Variants in NWD2 observed in about 807,000 individuals in gnomAD.
NWD2 encodes NACHT and WD repeat domain-containing protein 2.
In NWD2, 37 loss-of-function variants were observed where a neutral mutation model predicts 132.7. That is an observed-to-expected ratio of 0.28 (90% CI 0.21 to 0.37). The LOEUF (loss-of-function observed/expected upper bound fraction) is 0.37. Among genes scored for constraint, NWD2 ranks in the 10% least tolerant of loss-of-function variants. NWD2 has a pLI of 1.00. For missense variants in NWD2, 1,592 were observed against 2,122.4 expected, an observed-to-expected ratio of 0.75 and a Z score of 4.91; for synonymous variants, 705 against 803.0, an observed-to-expected ratio of 0.88 and a Z score of 2.06.
At chr4:37,386,792 G>A (rs931236727) in intron 3 of NWD2, among the ~76,000 whole-genome samples, 7 of 149,410 alleles carry the variant, frequency 4.7e-5, no homozygotes, top group African/African-American at 1.8e-4. Flanking sequence ...TGAATGAGTT[G>A]GTACCATTCC....
intron 1 of NWD2, among the ~76,000 whole-genome samples, chr4:37,253,664 TG>T (rs35915028): frequency 0.25 from 37,910 of 152,156 alleles, 5,818 homozygotes; most frequent in South Asian, 0.37. Context: ...TCTGTACACA[TG>T]TTTCAGATAT....
intron 2 of NWD2, among the ~76,000 whole-genome samples, chr4:37,337,659 T>C (rs1353025042): frequency 6.6e-6 from 1 of 152,350 alleles, no homozygotes; most frequent in East Asian, 1.9e-4. Context: ...GGCCCATGCC[T>C]GTCCACCTGG....
intron 2 of NWD2, among the ~76,000 whole-genome samples, chr4:37,334,357 C>T (rs114977033): frequency 0.026 from 3,949 of 152,326 alleles, 83 homozygotes; most frequent in Non-Finnish European, 0.04. Flanking sequence ...CTCTTCCCCA[C>T]GTAAATAATC....
At chr4:37,334,620 C>T (rs1000199127) in intron 2 of NWD2, among the ~76,000 whole-genome samples, 18 of 152,150 alleles carry the variant, frequency 1.2e-4, no homozygotes, top group African/African-American at 1.9e-4. Context: ...CCACATGGGC[C>T]GCTGGTACAC....
chr4:37,252,163 C>T (rs1293840168), intron 1 of NWD2, among the ~76,000 whole-genome samples: 1 of 152,148 alleles, frequency 6.6e-6, no homozygotes, highest in Non-Finnish European at 1.5e-5. Context: ...ATGATGAGAT[C>T]TCCACAGGGA....
intron 1 of NWD2, among the ~76,000 whole-genome samples, chr4:37,263,490 G>T (rs2109260186): frequency 6.6e-6 from 1 of 152,268 alleles, no homozygotes; most frequent in African/African-American, 2.4e-5. Flanking sequence ...TTGTAGCAGG[G>T]TGACTTCTTC....
chr4:37,350,901 T>C (rs1266682462), intron 2 of NWD2, among the ~76,000 whole-genome samples: 1 of 152,194 alleles, frequency 6.6e-6, no homozygotes, highest in Non-Finnish European at 1.5e-5. Flanking sequence ...AAAGGGGTGT[T>C]GAATTTTATT....
At chr4:37,353,941 T>A (rs1719821627) in intron 2 of NWD2, among the ~76,000 whole-genome samples, 1 of 152,164 alleles carries the variant, frequency 6.6e-6, no homozygotes, top group Admixed American at 6.5e-5. Flanking sequence ...TTTTTGGAAT[T>A]TTCAGCCTTT....
chr4:37,266,095 C>A (rs911804064), intron 1 of NWD2, among the ~76,000 whole-genome samples: 2 of 152,030 alleles, frequency 1.3e-5, no homozygotes. Context: ...TTGGTGAGTT[C>A]TTTTGTAACC....
intron 3 of NWD2, among the ~76,000 whole-genome samples, chr4:37,414,653 A>G (rs1711533008): frequency 6.6e-6 from 1 of 152,166 alleles, no homozygotes; most frequent in African/African-American, 2.4e-5. Context: ...CTAGTAAAGG[A>G]AGACTGCTGG....
At chr4:37,369,347 G>A (rs1339280853) in intron 3 of NWD2, among the ~76,000 whole-genome samples, 1 of 151,994 alleles carries the variant, frequency 6.6e-6, no homozygotes, top group Non-Finnish European at 1.5e-5. Flanking sequence ...TGAAGTCTGG[G>A]ATTTTAATGT....
At chr4:37,310,785 C>A (rs1325938141) in intron 1 of NWD2, among the ~76,000 whole-genome samples, 1 of 93,128 alleles carries the variant, frequency 1.1e-5, no homozygotes, top group Non-Finnish European at 2.0e-5. Flanking sequence ...CCTCCCCCCT[C>A]CCCCCACCCC....
intron 1 of NWD2, among the ~76,000 whole-genome samples, chr4:37,316,068 T>A (rs896372192): frequency 6.6e-6 from 1 of 151,490 alleles, no homozygotes; most frequent in Admixed American, 6.5e-5. Context: ...ACTTATATAG[T>A]CTTTTATACA....
chr4:37,405,930 A>G (rs2109317234), intron 3 of NWD2, among the ~76,000 whole-genome samples: 1 of 152,348 alleles, frequency 6.6e-6, no homozygotes. Context: ...GGTAGACAGC[A>G]ATTGATTTAG....
intron 1 of NWD2, among the ~76,000 whole-genome samples, chr4:37,261,293 A>G (rs73807464): frequency 0.096 from 14,661 of 152,120 alleles, 751 homozygotes; most frequent in African/African-American, 0.11. Flanking sequence ...CCCACTCAAT[A>G]GAAGAGGGAA....
chr4:37,335,566 C>A, intron 2 of NWD2, among the ~76,000 whole-genome samples: 1 of 152,028 alleles, frequency 6.6e-6, no homozygotes, highest in East Asian at 1.9e-4. Flanking sequence ...CCGTGGCCTG[C>A]TAGAAGCTGG....
intron 3 of NWD2, among the ~76,000 whole-genome samples, chr4:37,359,432 C>T (rs4576004): frequency 0.96 from 146,762 of 152,126 alleles, 71,027 homozygotes; most frequent in East Asian, 1. Context: ...GTTGTAACTA[C>T]GGTGACAACT....
chr4:37,276,999 G>A (rs1422353340), intron 1 of NWD2, among the ~76,000 whole-genome samples: 1 of 152,048 alleles, frequency 6.6e-6, no homozygotes, highest in Non-Finnish European at 1.5e-5. Context: ...TTGGGGGATG[G>A]GGGAGGGATA....
At chr4:37,266,800 C>T (rs189231291) in intron 1 of NWD2, among the ~76,000 whole-genome samples, 106 of 152,028 alleles carry the variant, frequency 7.0e-4, no homozygotes, top group African/African-American at 2.5e-3. Flanking sequence ...TTATGTCTTT[C>T]TCATTTTCAC....
Sources: gnomAD v4.1 joint callset for allele counts (sites outside exome capture counted in the v4.1 genomes callset) on GRCh38, gnomAD v4.1.1 for gene constraint, MANE v1.5 for transcripts, NCBI Gene and HGNC (gene_info 2026-07-23, HGNC 2026-07-21) for gene names.